PCMTD1: variants seen among roughly 807,000 people sequenced by gnomAD.
PCMTD1 encodes the protein protein-L-isoaspartate O-methyltransferase domain-containing protein 1.
In PCMTD1, 12 loss-of-function variants were observed where a neutral mutation model predicts 37.6. That is an observed-to-expected ratio of 0.32 (90% CI 0.20 to 0.52). PCMTD1 has a LOEUF of 0.52. Ranked by LOEUF, PCMTD1 falls within the 20% of genes least tolerant of loss-of-function variation. The pLI, the probability that PCMTD1 is intolerant of heterozygous loss-of-function variation, is 0.97. For synonymous variants in PCMTD1, 117 were observed against 135.8 expected, an observed-to-expected ratio of 0.86 and a Z score of 0.96; for missense variants, 235 against 421.3, an observed-to-expected ratio of 0.56 and a Z score of 3.87.
rs1329747072 is a variant in PCMTD1 at position 51,820,343 on chromosome 8, G to C, written c.*8C>G. The C allele has an allele frequency of 7.8e-6, 12 of 1,539,294 alleles. No homozygotes were observed. The highest frequency in any genetic ancestry group is 1.0e-5 in the Non-Finnish European group (12 of 1,149,352). ...ATTATCAGTAGGCATTTTTCTTCTT[G>C]ATCTAAGTTATTTGTCTCTAAAATA... On this transcript the variant is annotated 3_prime_UTR_variant, in exon 6 of 6. Coordinates refer to ENST00000522514, the MANE Select transcript of PCMTD1 (RefSeq NM_052937.4).
At chr8:51,834,955 A>G (rs1457448221) in intron 3 of PCMTD1, among the ~76,000 whole-genome samples, 1 of 152,026 alleles carries the variant, frequency 6.6e-6, no homozygotes, top group Non-Finnish European at 1.5e-5. Context: ...TTTTACTATA[A>G]CTGTCACCTC....
intron 1 of PCMTD1, among the ~76,000 whole-genome samples, chr8:51,862,499 T>G (rs1211624265): frequency 6.6e-6 from 1 of 152,352 alleles, no homozygotes; most frequent in East Asian, 1.9e-4. Context: ...TTAAGCTTTA[T>G]TCAACTATAG....
At chr8:51,888,572 G>A (rs1162904360) in intron 1 of PCMTD1, among the ~76,000 whole-genome samples, 14 of 152,102 alleles carry the variant, frequency 9.2e-5, no homozygotes, top group Non-Finnish European at 5.9e-5. Context: ...TCAAATATAT[G>A]CATGAAAGTC....
intron 3 of PCMTD1, among the ~76,000 whole-genome samples, chr8:51,835,715 T>C (rs776639609): frequency 2.6e-5 from 4 of 152,296 alleles, no homozygotes; most frequent in Middle Eastern, 6.8e-3. Flanking sequence ...TTATCAAACA[T>C]GTTAAATCAA....
At chr8:51,860,802 A>C in intron 2 of PCMTD1, 43 bp downstream of exon 2, 1 of 1,458,650 alleles carries the variant, frequency 6.9e-7, no homozygotes, top group Non-Finnish European at 9.2e-7. Context: ...ATAATACAAA[A>C]TGGCTTATTT....
At chr8:51,867,188 TAAC>T (rs1028348161) in intron 1 of PCMTD1, among the ~76,000 whole-genome samples, 70 of 152,132 alleles carry the variant, frequency 4.6e-4, no homozygotes, top group African/African-American at 1.6e-3. Flanking sequence ...AGACAAAAGA[TAAC>T]AAGTATTGGC....
At chr8:51,833,764 T>C (rs905839570) in intron 3 of PCMTD1, 75 bp from the exon 4 acceptor site, 2 of 1,163,692 alleles carry the variant, frequency 1.7e-6, no homozygotes, top group Non-Finnish European at 2.4e-6. Flanking sequence ...AATCCAGTCC[T>C]TTGAAATAAT....
At chr8:51,861,645 C>G (rs1264136605) in intron 1 of PCMTD1, among the ~76,000 whole-genome samples, 22 of 152,090 alleles carry the variant, frequency 1.4e-4, no homozygotes, top group Admixed American at 1.4e-3. Flanking sequence ...GGCTACCATA[C>G]TGGACAGTGC....
At chr8:51,851,168 T>C (rs2038300779) in intron 2 of PCMTD1, among the ~76,000 whole-genome samples, 1 of 152,208 alleles carries the variant, frequency 6.6e-6, no homozygotes, top group Non-Finnish European at 1.5e-5. Flanking sequence ...GCTTGACCAC[T>C]CTGAAGCTAA....
chr8:51,845,658 T>C lies in PCMTD1; in HGVS notation c.410+3A>G. 2.5e-6 allele frequency: 4 copies of C among 1,600,688 alleles called. No individual in the cohort carries two copies. Among genetic ancestry groups the C allele is most frequent in the South Asian group, 2.2e-5 (2 of 90,796 alleles). On this transcript the variant is annotated splice_donor_region_variant and intron_variant, in intron 3 of 5. Coordinates refer to ENST00000522514, the MANE Select transcript of PCMTD1 (RefSeq NM_052937.4). ...AACCAAAACTATAGATATGAATACT[T>C]ACTTATCAAAGCTATCACTATTTTT...
chr8:51,876,948 A>G (rs2038721127), intron 1 of PCMTD1, among the ~76,000 whole-genome samples: 1 of 152,156 alleles, frequency 6.6e-6, no homozygotes, highest in Non-Finnish European at 1.5e-5. Context: ...TATCTGCGTA[A>G]TCTCAAAGTA....
At chr8:51,863,706 G>C (rs1452097065) in intron 1 of PCMTD1, among the ~76,000 whole-genome samples, 1 of 152,222 alleles carries the variant, frequency 6.6e-6, no homozygotes, top group African/African-American at 2.4e-5. Flanking sequence ...CAGATCACTT[G>C]AAGTCAGGAG....
At chr8:51,891,008 G>A (rs2038928352) in intron 1 of PCMTD1, among the ~76,000 whole-genome samples, 2 of 152,126 alleles carry the variant, frequency 1.3e-5, no homozygotes, top group Admixed American at 1.3e-4. Flanking sequence ...TAACATCCCC[G>A]TTAACCTGTT....
chr8:51,829,562 G>A (rs1362279558), intron 5 of PCMTD1, among the ~76,000 whole-genome samples: 2 of 152,254 alleles, frequency 1.3e-5, no homozygotes, highest in Admixed American at 1.3e-4. Flanking sequence ...AACTGGGTGG[G>A]TGGTTGGGTC....
chr8:51,873,189 A>T (rs1173596230), intron 1 of PCMTD1, among the ~76,000 whole-genome samples: 1 of 152,252 alleles, frequency 6.6e-6, no homozygotes, highest in East Asian at 1.9e-4. Context: ...ATAGGAATAG[A>T]GGCAGGATGC....
At chr8:51,878,113 T>C (rs576072660) in intron 1 of PCMTD1, among the ~76,000 whole-genome samples, 1 of 152,324 alleles carries the variant, frequency 6.6e-6, no homozygotes, top group South Asian at 2.1e-4. Context: ...TGTAAGCCAT[T>C]GTGACTCTAA....
intron 3 of PCMTD1, among the ~76,000 whole-genome samples, chr8:51,839,092 C>G (rs569569963): frequency 3.0e-5 from 2 of 66,874 alleles, no homozygotes; most frequent in South Asian, 6.0e-4. Context: ...CATTTTTATT[C>G]TTTGAAAAAA....
At chr8:51,838,935 A>T (rs759796970) in intron 3 of PCMTD1, among the ~76,000 whole-genome samples, 1 of 152,212 alleles carries the variant, frequency 6.6e-6, no homozygotes, top group Non-Finnish European at 1.5e-5. Flanking sequence ...AAGGAAAAAA[A>T]TGGCAAAAAG....
At chr8:51,885,927 A>G (rs941513256) in intron 1 of PCMTD1, among the ~76,000 whole-genome samples, 2 of 152,212 alleles carry the variant, frequency 1.3e-5, no homozygotes, top group African/African-American at 4.8e-5. Context: ...TGACATTACT[A>G]TAATTTCTCC....
Sources: gnomAD v4.1 joint callset for allele counts (sites outside exome capture counted in the v4.1 genomes callset) on GRCh38, gnomAD v4.1.1 for gene constraint, MANE v1.5 for transcripts, NCBI Gene and HGNC (gene_info 2026-07-23, HGNC 2026-07-21) for gene names.